RAB38: variants seen among roughly 807,000 people sequenced by gnomAD.
The protein encoded by RAB38 is RAB38, member RAS oncogene family, also known as ras-related protein Rab-38.
In RAB38, 15 loss-of-function variants were observed where a neutral mutation model predicts 18.4. The observed-to-expected ratio is 0.82, with a 90% confidence interval of 0.55 to 1.26. RAB38 has a LOEUF of 1.26. Ranked by LOEUF, RAB38 falls within the 50% of genes most tolerant of loss-of-function variation. RAB38 has a pLI of 0.00. For missense variants in RAB38, 294 were observed against 267.4 expected (o/e 1.10, Z -0.69); for synonymous variants, 101 against 104.4 (o/e 0.97, Z 0.20).
At chr11:88,024,205 G>T in the RAB38 span, among the ~76,000 whole-genome samples, 1 of 151,888 alleles carries the variant, frequency 6.6e-6, no homozygotes, top group Non-Finnish European at 1.5e-5. Flanking sequence ...CTAATAATTT[G>T]ATAAAATAAA....
chr11:88,088,170 T>C, the RAB38 span, among the ~76,000 whole-genome samples: 3,303 of 152,032 alleles, frequency 0.022, 99 homozygotes, highest in African/African-American at 0.074. Flanking sequence ...ATCTAGAAGA[T>C]ATAAAATTTA....
chr11:88,118,083 A>T (rs1269899179), intron 2 of RAB38, among the ~76,000 whole-genome samples: 2 of 152,204 alleles, frequency 1.3e-5, no homozygotes, highest in African/African-American at 4.8e-5. Flanking sequence ...GTTTACTACA[A>T]AAGGCAAGAC....
chr11:88,172,194 T>C (rs1943318164), intron 1 of RAB38, among the ~76,000 whole-genome samples: 1 of 152,216 alleles, frequency 6.6e-6, no homozygotes, highest in African/African-American at 2.4e-5. Flanking sequence ...ACTTCATTTC[T>C]TTGACTCTAT....
At chr11:87,863,738 C>T in the RAB38 span, among the ~76,000 whole-genome samples, 1 of 151,738 alleles carries the variant, frequency 6.6e-6, no homozygotes, top group Admixed American at 6.6e-5. Flanking sequence ...TAAAGACACT[C>T]GTAATAAAGT....
chr11:87,976,027 C>A, the RAB38 span, among the ~76,000 whole-genome samples: 13,730 of 150,854 alleles, frequency 0.091, 695 homozygotes, highest in Middle Eastern at 0.16. Context: ...ACATAAGACT[C>A]CAAATAACGC....
chr11:88,022,724 A>G, the RAB38 span, among the ~76,000 whole-genome samples: 1 of 151,524 alleles, frequency 6.6e-6, no homozygotes, highest in Non-Finnish European at 1.5e-5. Flanking sequence ...ACATGATATC[A>G]TTCTTTTTTA....
the RAB38 span, among the ~76,000 whole-genome samples, chr11:88,023,595 A>G: frequency 2.0e-5 from 3 of 152,134 alleles, no homozygotes; most frequent in African/African-American, 4.8e-5. Context: ...AGCCAAAACT[A>G]TCCTAAGCAC....
chr11:87,844,262 A>G, the RAB38 span, among the ~76,000 whole-genome samples: 1 of 152,210 alleles, frequency 6.6e-6, no homozygotes, highest in Non-Finnish European at 1.5e-5. Flanking sequence ...CAAGGATAGT[A>G]ATTCATTTAG....
the RAB38 span, among the ~76,000 whole-genome samples, chr11:87,835,802 A>G: frequency 2.0e-5 from 3 of 152,182 alleles, no homozygotes; most frequent in African/African-American, 7.2e-5. Flanking sequence ...CAACTGTGGG[A>G]AAATAAATTT....
At chr11:87,923,993 TTCATC>T in the RAB38 span, among the ~76,000 whole-genome samples, 1 of 151,336 alleles carries the variant, frequency 6.6e-6, no homozygotes, top group African/African-American at 2.4e-5. Context: ...TAAGCCCTCT[TTCATC>T]TCAGAGAAAC....
the RAB38 span, among the ~76,000 whole-genome samples, chr11:87,971,921 C>T: frequency 8.6e-5 from 8 of 93,470 alleles, no homozygotes; most frequent in Non-Finnish European, 1.7e-4. Flanking sequence ...TGTGTAAAAG[C>T]GTTTTTTTTT....
chr11:87,927,270 G>A, the RAB38 span, among the ~76,000 whole-genome samples: 3 of 151,850 alleles, frequency 2.0e-5, no homozygotes, highest in Non-Finnish European at 4.4e-5. Flanking sequence ...TATTCAGAAG[G>A]GAGCATTAAC....
the RAB38 span, among the ~76,000 whole-genome samples, chr11:87,872,278 G>T: frequency 1.3e-5 from 2 of 151,316 alleles, no homozygotes; most frequent in Non-Finnish European, 3.0e-5. Flanking sequence ...TTTTAAATTG[G>T]ATTTTTTCCT....
chr11:87,837,975 C>T, the RAB38 span, among the ~76,000 whole-genome samples: 1 of 152,144 alleles, frequency 6.6e-6, no homozygotes, highest in South Asian at 2.1e-4. Context: ...CTTAAGCAAT[C>T]AGAGTTTAAC....
At chr11:87,867,084 T>C in the RAB38 span, among the ~76,000 whole-genome samples, 1 of 151,786 alleles carries the variant, frequency 6.6e-6, no homozygotes, top group Non-Finnish European at 1.5e-5. Flanking sequence ...GTTCTTGCTC[T>C]TCTCTGGTTT....
the RAB38 span, among the ~76,000 whole-genome samples, chr11:87,833,557 CACTT>C: frequency 4.6e-5 from 7 of 152,206 alleles, no homozygotes; most frequent in Non-Finnish European, 8.8e-5. Flanking sequence ...TTAAACACAG[CACTT>C]ACTTTATACC....
At chr11:87,855,828 G>A in the RAB38 span, among the ~76,000 whole-genome samples, 1,890 of 150,472 alleles carry the variant, frequency 0.013, 39 homozygotes, top group African/African-American at 0.044. Flanking sequence ...AATTCTGACA[G>A]TTCTCTCAGT....
intron 2 of RAB38, among the ~76,000 whole-genome samples, chr11:88,122,732 T>C (rs758024120): frequency 1.3e-5 from 2 of 152,264 alleles, no homozygotes; most frequent in African/African-American, 2.4e-5. Context: ...CAAAGTGTTA[T>C]TTATTGAGTG....
the RAB38 span, among the ~76,000 whole-genome samples, chr11:87,945,740 C>T: frequency 3.3e-5 from 5 of 152,234 alleles, no homozygotes; most frequent in East Asian, 9.6e-4. Context: ...AGTCATTCAC[C>T]TAAGGTTATG....
Sources: gnomAD v4.1 joint callset for allele counts (sites outside exome capture counted in the v4.1 genomes callset) on GRCh38, gnomAD v4.1.1 for gene constraint, MANE v1.5 for transcripts, NCBI Gene and HGNC (gene_info 2026-07-23, HGNC 2026-07-21) for gene names.